Variants in AUTS2 observed in about 807,000 individuals in gnomAD.
The protein encoded by AUTS2 is activator of transcription and developmental regulator AUTS2, also known as autism susceptibility gene 2 protein.
Under a neutral mutation model 112.4 loss-of-function variants are expected in AUTS2, and 17 were observed. That is an observed-to-expected ratio of 0.15 (90% CI 0.10 to 0.23). The LOEUF is 0.23. Among genes scored for constraint, AUTS2 ranks in the 10% least tolerant of loss-of-function variants. The pLI is 1.00. For missense variants in AUTS2, 1,510 were observed against 1,701.6 expected (o/e 0.89, Z 1.98); for synonymous variants, 751 against 702.7 (o/e 1.07, Z -1.09).
chr7:70,680,783 AT>A (rs34167619), intron 5 of AUTS2, among the ~76,000 whole-genome samples: 2 of 152,194 alleles, frequency 1.3e-5, no homozygotes, highest in African/African-American at 4.8e-5. Flanking sequence ...CAACAACTGT[AT>A]TTTTACCAGC....
chr7:70,165,478 T>C (rs1290115164), intron 4 of AUTS2, among the ~76,000 whole-genome samples: 2 of 152,198 alleles, frequency 1.3e-5, no homozygotes, highest in Non-Finnish European at 2.9e-5. Context: ...GAAATTATGT[T>C]AGTGAAAAGA....
In AUTS2 at chr7:70,379,201, T is replaced by C. The variant is rs1260749010; in HGVS notation, c.661-56551T>C. Among the ~76,000 whole-genome samples, 4 of 152,110 alleles carry C rather than the reference T, an allele frequency of 2.6e-5. No individual in the cohort carries two copies. In the East Asian group the frequency reaches 7.7e-4, roughly 29 times the overall value. On this transcript the variant is annotated intron_variant, in intron 4 of 18. Coordinates refer to ENST00000342771, the MANE Select transcript of AUTS2 (RefSeq NM_015570.4). The stretch of plus-strand genomic sequence containing the variant: ...GCCAAATAGCTAAAGAGCTATCATG[T>C]TGAAAAACTATTATTAGGGCGGGCA...
intron 1 of AUTS2, among the ~76,000 whole-genome samples, chr7:69,859,369 A>G (rs1033889059): frequency 6.6e-6 from 1 of 152,250 alleles, no homozygotes; most frequent in African/African-American, 2.4e-5. Context: ...ATTGTTAACT[A>G]TCATGTCTCC....
chr7:70,639,398 T>G (rs1805691352), intron 5 of AUTS2, among the ~76,000 whole-genome samples: 1 of 151,604 alleles, frequency 6.6e-6, no homozygotes, highest in Non-Finnish European at 1.5e-5. Flanking sequence ...AACAGGGAGC[T>G]TGGGCCCAGG....
chr7:70,447,455 A>G (rs1796363255), intron 5 of AUTS2, among the ~76,000 whole-genome samples: 2 of 152,358 alleles, frequency 1.3e-5, no homozygotes, highest in South Asian at 4.1e-4. Flanking sequence ...GATGTGCTAT[A>G]CATATGTTGA....
chr7:69,859,849 A>G (rs146776368), intron 1 of AUTS2, among the ~76,000 whole-genome samples: 115 of 152,318 alleles, frequency 7.5e-4, no homozygotes, highest in Middle Eastern at 6.8e-3. Context: ...AGAGTACCTG[A>G]ACTCTAAATT....
intron 4 of AUTS2, among the ~76,000 whole-genome samples, chr7:70,334,099 G>T (rs1166716863): frequency 6.6e-6 from 1 of 151,978 alleles, no homozygotes; most frequent in African/African-American, 2.4e-5. Context: ...TTGTCTAATT[G>T]CCCTGGGTAG....
Position 70,514,017 on chromosome 7 carries a change from C to T in AUTS2, c.690+78236C>T, listed in dbSNP as rs532169005. Among the ~76,000 whole-genome samples, 16 of 152,272 alleles carry T rather than the reference C, an allele frequency of 1.1e-4. No homozygotes were observed. In the East Asian group the frequency reaches 1.7e-3, roughly 17 times the overall value. On this transcript the variant is annotated intron_variant, in intron 5 of 18. Coordinates refer to ENST00000342771, the MANE Select transcript of AUTS2 (RefSeq NM_015570.4). ...ATGAGCACTGTATAGATTTGTTTTA[C>T]AATTTTTAACCTTTATGTAAATAAT...
intron 4 of AUTS2, among the ~76,000 whole-genome samples, chr7:70,312,704 G>T (rs1789816092): frequency 1.3e-5 from 2 of 152,216 alleles, no homozygotes; most frequent in African/African-American, 2.4e-5. Context: ...TCCGTCCAAA[G>T]TACTTCAAGG....
At chr7:69,648,515 G>T (rs1258606073) in intron 1 of AUTS2, among the ~76,000 whole-genome samples, 2 of 151,490 alleles carry the variant, frequency 1.3e-5, no homozygotes, top group African/African-American at 4.8e-5. Context: ...ACTTTGGAGT[G>T]GGATGGGATT....
intron 1 of AUTS2, among the ~76,000 whole-genome samples, chr7:69,778,979 C>T (rs1204798677): frequency 1.4e-5 from 2 of 141,034 alleles, no homozygotes; most frequent in Admixed American, 7.6e-5. Flanking sequence ...TTTTACATTT[C>T]ATCTCTTTAA....
At chr7:70,789,668 C>T (rs1791745941) in intron 18 of AUTS2, 80 bp from the exon 19 acceptor site, 1 of 1,505,222 alleles carries the variant, frequency 6.6e-7, no homozygotes, top group Non-Finnish European at 9.0e-7. Context: ...TTCACACCAC[C>T]ATTTCACCCG....
chr7:70,135,205 A>G (rs1344241159), intron 4 of AUTS2, among the ~76,000 whole-genome samples: 2 of 152,182 alleles, frequency 1.3e-5, no homozygotes, highest in Non-Finnish European at 2.9e-5. Flanking sequence ...TCATGAATAT[A>G]AAATTCATTC....
chr7:70,496,680 C>CG (rs1798536425), intron 5 of AUTS2, among the ~76,000 whole-genome samples: 1 of 133,618 alleles, frequency 7.5e-6, no homozygotes, highest in Non-Finnish European at 1.6e-5. Flanking sequence ...GATCACACAC[C>CG]CCACTCACAC....
Position 70,028,166 on chromosome 7 carries a change from A to G in AUTS2, c.523-89966A>G, listed in dbSNP as rs1369728351. On this transcript the variant is annotated intron_variant, in intron 2 of 18. Transcript: ENST00000342771. ...CCTTCCTGCCAACACAGCTGTATTCATCTTCATTTCTTTTTCACCTGGCTT... is the reference window on the plus strand; with the variant it reads ...CCTTCCTGCCAACACAGCTGTATTCGTCTTCATTTCTTTTTCACCTGGCTT... 2.0e-5 allele frequency among the ~76,000 whole-genome samples: 3 copies of G among 149,324 alleles called. No homozygotes were observed. The Admixed American group carries it at 2.0e-4, about 10-fold the overall frequency.
intron 11 of AUTS2, 78 bp from the exon 12 acceptor site, chr7:70,773,950 T>A: frequency 7.4e-7 from 1 of 1,358,304 alleles, no homozygotes; most frequent in East Asian, 2.3e-5. Flanking sequence ...TTCTCTCATT[T>A]AGCAGAAGGG....
In AUTS2 at chr7:70,005,960, T is replaced by C. The variant is rs141997792; in HGVS notation, c.522+106462T>C. ...TTCTGCAGTTGGATTGTGTATATAT[T>C]GTGTATAATGTTACCTCTTTTCCGA... is the stretch of plus-strand genomic sequence containing the variant. On this transcript the variant is annotated intron_variant, in intron 2 of 18. Transcript: ENST00000342771. Among the ~76,000 whole-genome samples the C allele has an allele frequency of 4.1e-3, 619 of 152,260 alleles. 10 individuals are homozygous for C. Among genetic ancestry groups the C allele is most frequent in the Non-Finnish European group, 4.2e-3 (287 of 68,012 alleles).
chr7:70,766,081 A>C lies in AUTS2; in HGVS notation c.1469-33A>C. On this transcript the variant is annotated intron_variant, in intron 8 of 18. Coordinates refer to ENST00000342771, the MANE Select transcript of AUTS2 (RefSeq NM_015570.4). This position sits in a 1 kb window ranked among gnomAD's most constrained non-coding sequence, Gnocchi z 4.8. The stretch of plus-strand genomic sequence containing the variant: ...GTCCGATGTCCTTTTCTGAAGGAAA[A>C]GGCGTCATCGTCTCCCTCTTCTTCT... 1.3e-6 allele frequency: 2 copies of C among 1,599,646 alleles called. No individual in the cohort carries two copies. The highest frequency in any genetic ancestry group is 2.2e-5 in the South Asian group (2 of 89,590).
At chr7:70,434,243 G>A (rs543019080) in intron 4 of AUTS2, among the ~76,000 whole-genome samples, 1 of 152,288 alleles carries the variant, frequency 6.6e-6, no homozygotes, top group South Asian at 2.1e-4. Context: ...AATGCCCAGA[G>A]GTTTACCTCT....
Sources: allele counts gnomAD v4.1 joint callset (sites outside exome capture counted in the v4.1 genomes callset), GRCh38; gene constraint gnomAD v4.1.1; non-coding constraint Gnocchi (gnomAD v3.1); transcripts MANE v1.5; gene names NCBI Gene and HGNC (gene_info 2026-07-23, HGNC 2026-07-21).